AKAP3: variants seen among roughly 807,000 people sequenced by gnomAD.
AKAP3 encodes the protein A-kinase anchor protein 3.
Under a neutral mutation model 57.2 loss-of-function variants are expected in AKAP3, and 27 were observed. That is an observed-to-expected ratio of 0.47 (90% CI 0.35 to 0.65). The LOEUF (loss-of-function observed/expected upper bound fraction) is 0.65. Among genes scored for constraint, AKAP3 ranks in the 30% least tolerant of loss-of-function variants. The pLI is 0.01. For missense variants in AKAP3, 959 were observed against 1,040.0 expected, an observed-to-expected ratio of 0.92 and a Z score of 1.07; for synonymous variants, 334 against 392.3, an observed-to-expected ratio of 0.85 and a Z score of 1.76.
chr12:4,636,295 G>A (rs993134712), intron 4 of AKAP3, among the ~76,000 whole-genome samples: 2 of 152,254 alleles, frequency 1.3e-5, no homozygotes, highest in African/African-American at 4.8e-5. Flanking sequence ...GAAGCCCCAG[G>A]CATGGCCCGT....
chr12:4,630,432 C>T (rs1163247727), intron 4 of AKAP3, among the ~76,000 whole-genome samples: 1 of 151,976 alleles, frequency 6.6e-6, no homozygotes, highest in African/African-American at 2.4e-5. Context: ...CGCTCCACGT[C>T]TACAATATCC....
chr12:4,640,255 T>G (rs1945621676), intron 3 of AKAP3, among the ~76,000 whole-genome samples: 1 of 152,188 alleles, frequency 6.6e-6, no homozygotes, highest in Non-Finnish European at 1.5e-5. Context: ...ATAGCCCATT[T>G]CTCCTCCCCA....
chr12:4,631,260 TTC>T (rs1485592070), intron 4 of AKAP3: 1 of 689,724 alleles, frequency 1.4e-6, no homozygotes, highest in African/African-American at 1.8e-5. Context: ...TAGAGTTATA[TTC>T]TCTGCTGGGT....
intron 2 of AKAP3, among the ~76,000 whole-genome samples, chr12:4,642,753 C>A (rs1034419189): frequency 2.0e-5 from 3 of 152,170 alleles, no homozygotes; most frequent in Admixed American, 1.3e-4. Context: ...TACTGGATGA[C>A]TTCATAAGGG....
At chr12:4,637,139 T>A (rs1945576448) in intron 4 of AKAP3, among the ~76,000 whole-genome samples, 1 of 152,248 alleles carries the variant, frequency 6.6e-6, no homozygotes, top group Non-Finnish European at 1.5e-5. Flanking sequence ...TTTATTTTTA[T>A]ATCTCTGACC....
intron 1 of AKAP3, among the ~76,000 whole-genome samples, chr12:4,648,295 G>T (rs1402053299): frequency 6.6e-6 from 1 of 152,158 alleles, no homozygotes; most frequent in Non-Finnish European, 1.5e-5. Flanking sequence ...TGGCACACAT[G>T]GCCACTAAAT....
intron 5 of AKAP3, among the ~76,000 whole-genome samples, chr12:4,621,422 T>G (rs1249244317): frequency 1.3e-5 from 2 of 152,198 alleles, no homozygotes; most frequent in Non-Finnish European, 2.9e-5. Flanking sequence ...CAACTTCTAG[T>G]CCTGTGAGCT....
rs1023348873 is a variant in AKAP3 at position 4,626,880 on chromosome 12, C to G, written c.2022G>C (p.Met674Ile). The G allele has an allele frequency of 5.0e-6, 8 of 1,613,712 alleles. No homozygotes were observed. The highest frequency in any genetic ancestry group is 6.8e-6 in the Non-Finnish European group (8 of 1,179,984). ...TGACACACAGCTTCATCACTGAGTT[C>G]ATCAGATGTTCTACCATCTGCCCAC... The part of the protein sequence containing the change: ...HMSGQMVEHL[M>I]NSVMKLCVII... The change falls in exon 5 of 6, where the codon ATG (methionine) becomes ATC (isoleucine). Residue 674 changes from methionine (M) to isoleucine (I), a missense_variant. Physicochemically the swap from Met to Ile is conservative, Grantham distance 10. Transcript: ENST00000228850.
chr12:4,618,392 A>G (rs1388793639), intron 5 of AKAP3, among the ~76,000 whole-genome samples: 1 of 152,248 alleles, frequency 6.6e-6, no homozygotes, highest in Non-Finnish European at 1.5e-5. Context: ...TTTTCAACGA[A>G]TGGTGCCAAG....
intron 4 of AKAP3, 138 bp downstream of exon 4, chr12:4,637,963 A>G (rs1945586890): frequency 1.3e-6 from 1 of 764,918 alleles, no homozygotes; most frequent in Non-Finnish European, 2.3e-6. Flanking sequence ...TTTGTTCTAT[A>G]AGGGCTGATT....
At position 4,628,794 on chromosome 12, in the gene AKAP3, C is replaced by T. The variant is rs772673549; in HGVS notation, c.108G>A (p.Thr36=). 21 of 1,600,464 alleles carry T rather than the reference C, an allele frequency of 1.3e-5. No individual in the cohort carries two copies. The highest frequency in any genetic ancestry group is 4.0e-5 in the African/African-American group (3 of 74,546). ...QAQDWKMDTS[T]DPVRVLSWLR... ...GCCAGCTGAGCACTCTGACAGGATC[C>T]GTGGAGGTGTCCTTAAAAATAGACA... Residue 36 remains threonine (T), a synonymous_variant, in exon 5 of 6, where the codon ACG becomes ACA. Coordinates refer to ENST00000228850, the MANE Select transcript of AKAP3 (RefSeq NM_001278309.2).
chr12:4,642,144 G>A (rs1274131391), intron 2 of AKAP3, 140 bp from the exon 3 acceptor site: 1 of 152,146 alleles, frequency 6.6e-6, no homozygotes, highest in Non-Finnish European at 1.5e-5. Flanking sequence ...CAAATTTCAT[G>A]AGCACACATC....
chr12:4,639,700 G>C (rs865969077), intron 3 of AKAP3, among the ~76,000 whole-genome samples: 17 of 151,508 alleles, frequency 1.1e-4, no homozygotes, highest in Middle Eastern at 3.4e-3. Context: ...CCTTGCGATA[G>C]TTTGCTCAGA....
At chr12:4,635,882 C>A in intron 4 of AKAP3, 1 of 681,244 alleles carries the variant, frequency 1.5e-6, no homozygotes, top group Non-Finnish European at 2.6e-6. Flanking sequence ...GGCTAAGAAC[C>A]ACCACTCTTA....
At chr12:4,621,048 A>G (rs906945037) in intron 5 of AKAP3, among the ~76,000 whole-genome samples, 1 of 152,180 alleles carries the variant, frequency 6.6e-6, no homozygotes, top group East Asian at 1.9e-4. Flanking sequence ...AGGCAATGGT[A>G]TTGATGATCC....
chr12:4,617,600 A>G (rs746474649), intron 5 of AKAP3, among the ~76,000 whole-genome samples: 7 of 152,192 alleles, frequency 4.6e-5, no homozygotes, highest in Middle Eastern at 3.2e-3. Context: ...TAAAAATACG[A>G]AAATAACTGG....
In AKAP3 at chr12:4,628,546, C is replaced by T. The variant is rs1945456678; in HGVS notation, c.356G>A (p.Ser119Asn). Reference sequence around the variant, plus strand: ...ATAGAAGGAAACTTCATCTACTGAACTCCCGTTGCCAAGTTGGGCCCTGGG... The same window carrying T: ...ATAGAAGGAAACTTCATCTACTGAATTCCCGTTGCCAAGTTGGGCCCTGGG... ...QGPRAQLGNG[S>N]SVDEVSFYAN... is the part of the protein sequence containing the mutation. Residue 119 changes from serine to asparagine, a missense_variant, in exon 5 of 6, where the codon AGT (serine) becomes AAT (asparagine). Transcript: ENST00000228850. The T allele has an allele frequency of 6.2e-7, 1 of 1,614,206 alleles. No individual in the cohort carries two copies. Among genetic ancestry groups the T allele is most frequent in the African/African-American group, 1.3e-5 (1 of 75,060 alleles).
In AKAP3 at chr12:4,628,641, G is replaced by A; in HGVS notation, c.261C>T (p.Asn87=). 6.2e-7 allele frequency: 1 copy of A among 1,613,744 alleles called. No individual in the cohort carries two copies. The highest frequency in any genetic ancestry group is 8.5e-7 in the Non-Finnish European group (1 of 1,180,014). ...PHKGFSVDYY[N]TTTKGTPERL... ...TTTCTGGAGTGCCCTTGGTGGTGGT[G>A]TTGTAATAGTCTACAGAGAAACCTT... The change falls in exon 5 of 6, where the codon AAC becomes AAT. Residue 87 remains asparagine, a synonymous_variant. Transcript: ENST00000228850.
intron 3 of AKAP3, among the ~76,000 whole-genome samples, chr12:4,641,302 C>T (rs947192703): frequency 2.9e-4 from 44 of 152,036 alleles, no homozygotes; most frequent in African/African-American, 9.7e-4. Flanking sequence ...AAATGTTCCT[C>T]AAAAATGTTC....
Sources: gnomAD v4.1 joint callset for allele counts (sites outside exome capture counted in the v4.1 genomes callset) on GRCh38, gnomAD v4.1.1 for gene constraint, MANE v1.5 for transcripts, NCBI Gene and HGNC (gene_info 2026-07-23, HGNC 2026-07-21) for gene names.